The following IGSF11 variants were observed in gnomAD, a reference collection of about 807,000 sequenced individuals.
IGSF11 encodes the protein immunoglobulin superfamily member 11, also known as CXADR like 1.
A neutral mutation model predicts 41.0 loss-of-function variants in IGSF11; 22 were observed. That is an observed-to-expected ratio of 0.54 (90% CI 0.38 to 0.77). IGSF11 has a LOEUF of 0.77. IGSF11 is among the 30% of genes least tolerant of loss of function. The pLI is 0.00. For synonymous variants in IGSF11, 219 were observed against 201.3 expected (o/e 1.09, Z -0.74); for missense variants, 444 against 530.8 (o/e 0.84, Z 1.61).
chr3:119,062,414 C>A (rs1410901931), intron 1 of IGSF11, among the ~76,000 whole-genome samples: 1 of 152,134 alleles, frequency 6.6e-6, no homozygotes, highest in Non-Finnish European at 1.5e-5. Context: ...CACAACCAAC[C>A]CCACTCTGTC....
chr3:119,048,123 C>T (rs1286172455), intron 1 of IGSF11, among the ~76,000 whole-genome samples: 1 of 151,796 alleles, frequency 6.6e-6, no homozygotes, highest in East Asian at 1.9e-4. Context: ...CAAAAGCTAG[C>T]AGAAGGCAAG....
At chr3:119,085,817 T>C (rs926877698) in intron 1 of IGSF11, among the ~76,000 whole-genome samples, 8 of 152,178 alleles carry the variant, frequency 5.3e-5, no homozygotes, top group African/African-American at 1.9e-4. Context: ...ACCAGTTCTG[T>C]TAATGGTGGA....
chr3:119,056,570 T>A (rs985151763), intron 1 of IGSF11, among the ~76,000 whole-genome samples: 2 of 152,200 alleles, frequency 1.3e-5, no homozygotes, highest in Non-Finnish European at 2.9e-5. Context: ...CCATTCCTTC[T>A]GAAACTATTC....
chr3:118,906,330 C>T (rs1013618376), intron 4 of IGSF11, among the ~76,000 whole-genome samples: 2 of 147,546 alleles, frequency 1.4e-5, no homozygotes, highest in African/African-American at 5.0e-5. Flanking sequence ...TCTCACCACT[C>T]ACTGTCAAGG....
chr3:119,005,187 T>C (rs1324573814), intron 1 of IGSF11, among the ~76,000 whole-genome samples: 1 of 146,012 alleles, frequency 6.8e-6, no homozygotes, highest in East Asian at 2.0e-4. Flanking sequence ...TTAGCTCCTC[T>C]TGTTGAATTG....
chr3:119,086,743 C>T (rs768932268), intron 1 of IGSF11, among the ~76,000 whole-genome samples: 4 of 152,178 alleles, frequency 2.6e-5, no homozygotes, highest in Admixed American at 6.5e-5. Flanking sequence ...ATAAGCCTTA[C>T]AAGAAGTCCT....
At chr3:118,938,542 C>T (rs1279207570) in intron 1 of IGSF11, among the ~76,000 whole-genome samples, 3 of 152,162 alleles carry the variant, frequency 2.0e-5, no homozygotes, top group Non-Finnish European at 2.9e-5. Context: ...AAAAGCAGAA[C>T]CAGGCTTTGC....
At chr3:118,977,676 C>T (rs1934268802) in intron 1 of IGSF11, among the ~76,000 whole-genome samples, 1 of 152,082 alleles carries the variant, frequency 6.6e-6, no homozygotes, top group South Asian at 2.1e-4. Flanking sequence ...CCCCAGTGGT[C>T]CACATTCCCA....
intron 1 of IGSF11, among the ~76,000 whole-genome samples, chr3:118,938,163 T>C (rs1559928335): frequency 1.3e-5 from 2 of 152,182 alleles, no homozygotes. Context: ...AACTCAGCAG[T>C]ATCTCCAAAA....
At chr3:118,955,179 T>C (rs993385376) in intron 1 of IGSF11, among the ~76,000 whole-genome samples, 4 of 151,070 alleles carry the variant, frequency 2.6e-5, no homozygotes, top group Non-Finnish European at 5.9e-5. Context: ...AATCAATGAG[T>C]GGATAAAGAA....
At chr3:119,048,958 T>TA (rs1484229191) in intron 1 of IGSF11, among the ~76,000 whole-genome samples, 31 of 152,326 alleles carry the variant, frequency 2.0e-4, no homozygotes, top group Non-Finnish European at 4.0e-4. Context: ...CCCTTCATGG[T>TA]AAAAACTCTC....
chr3:119,019,644 G>A (rs868836912), intron 1 of IGSF11, among the ~76,000 whole-genome samples: 6 of 152,030 alleles, frequency 3.9e-5, no homozygotes, highest in Non-Finnish European at 7.4e-5. Flanking sequence ...GCCACACCAA[G>A]TTCTCTGGTT....
chr3:119,035,504 A>C (rs1373795944), upstream of IGSF11, among the ~76,000 whole-genome samples: 3 of 152,188 alleles, frequency 2.0e-5, no homozygotes, highest in Non-Finnish European at 4.4e-5. Flanking sequence ...GTCAACTTCT[A>C]ATATTTTAAG....
rs75635690 is a variant in IGSF11 at position 119,059,520 on chromosome 3, T to C, written c.49+45624A>G. Among the ~76,000 whole-genome samples, 1,431 of 152,244 alleles carry C rather than the reference T, an allele frequency of 9.4e-3. 30 individuals carry two copies. Among genetic ancestry groups the C allele is most frequent in the African/African-American group, 0.031 (1,293 of 41,542 alleles). On this transcript the variant is annotated intron_variant, in intron 1 of 6. Transcript: ENST00000354673. ...AATTCACCAATAATGAACTTATCCA[T>C]ATAACAAAATACCACGTGTTCCCCA...
At chr3:119,053,749 T>C (rs549032137) in intron 1 of IGSF11, among the ~76,000 whole-genome samples, 7 of 151,864 alleles carry the variant, frequency 4.6e-5, no homozygotes, top group Admixed American at 2.0e-4. Flanking sequence ...AGGCATCACA[T>C]TATCCAAGTT....
At chr3:118,916,973 A>C (rs1343519286) in intron 4 of IGSF11, among the ~76,000 whole-genome samples, 1 of 152,202 alleles carries the variant, frequency 6.6e-6, no homozygotes, top group African/African-American at 2.4e-5. Context: ...CTGCTCAGCT[A>C]CATGGAAACT....
At chr3:119,107,569 T>G (rs1559871511), upstream of IGSF11, among the ~76,000 whole-genome samples, 1 of 152,098 alleles carries the variant, frequency 6.6e-6, no homozygotes. Context: ...TTTCTTTTGC[T>G]GTGCAGAAGC....
chr3:119,101,403 G>C (rs903133397), intron 1 of IGSF11, among the ~76,000 whole-genome samples: 12 of 152,070 alleles, frequency 7.9e-5, no homozygotes, highest in African/African-American at 2.9e-4. Flanking sequence ...CAGATACTAG[G>C]GAGGCTGAGG....
At chr3:119,016,888 C>T (rs1938751383) in intron 1 of IGSF11, among the ~76,000 whole-genome samples, 1 of 152,088 alleles carries the variant, frequency 6.6e-6, no homozygotes, top group Admixed American at 6.6e-5. Context: ...GTACTTCTAA[C>T]CTGACAATAC....
Sources: allele counts gnomAD v4.1 joint callset (sites outside exome capture counted in the v4.1 genomes callset), GRCh38; gene constraint gnomAD v4.1.1; transcripts MANE v1.5; gene names NCBI Gene and HGNC (gene_info 2026-07-23, HGNC 2026-07-21).